Variants in CEMIP observed in about 807,000 individuals in gnomAD.
CEMIP encodes the protein cell migration-inducing and hyaluronan-binding protein.
Under a neutral mutation model 156.9 loss-of-function variants are expected in CEMIP, and 105 were observed. The observed-to-expected ratio is 0.67, with a 90% CI of 0.57 to 0.79. The LOEUF (loss-of-function observed/expected upper bound fraction) is 0.79. Ranked by LOEUF, CEMIP falls within the 30% of genes least tolerant of loss-of-function variation. The pLI is 0.00. For synonymous variants in CEMIP, 676 were observed against 668.4 expected (o/e 1.01, Z -0.17); for missense variants, 1,457 against 1,769.4 (o/e 0.82, Z 3.17).
chr15:80,846,872 C>T (rs991580062), intron 1 of CEMIP, among the ~76,000 whole-genome samples: 2 of 152,216 alleles, frequency 1.3e-5, no homozygotes, highest in African/African-American at 4.8e-5. Flanking sequence ...GGGGGCTTTA[C>T]TCAGTGGTTT....
rs548873525 is a variant in CEMIP, at chr15:80,937,309, A to G, written c.3221+424A>G. 6.6e-5 allele frequency among the ~76,000 whole-genome samples: 10 copies of G among 152,348 alleles called. No individual in the cohort carries two copies. The South Asian group carries it at 2.1e-3, about 32-fold the overall frequency. ...GAGATAAAGTGTTGAGGCCGAGGGCATCTGGATAGGGCTTCATATATTTAG... is the reference window on the plus strand; with the variant it reads ...GAGATAAAGTGTTGAGGCCGAGGGCGTCTGGATAGGGCTTCATATATTTAG... On this transcript the variant is annotated intron_variant, in intron 24 of 29. Coordinates refer to ENST00000394685, the MANE Select transcript of CEMIP (RefSeq NM_001293298.2).
chr15:80,943,110 T>G lies in CEMIP; in HGVS notation c.3857+8T>G, dbSNP rs762046846. On this transcript the variant is annotated splice_region_variant and intron_variant, in intron 28 of 29. Transcript: ENST00000394685. ...GGCGACCATCCCTGACAAGTGAGTC[T>G]GTACCTCTGCTTCTGGAATTGGCTG... The G allele has an allele frequency of 1.2e-6, 2 of 1,614,208 alleles. No homozygotes were observed. Among genetic ancestry groups the G allele is most frequent in the South Asian group, 1.1e-5 (1 of 91,086 alleles).
At position 80,889,542 on chromosome 15, in the gene CEMIP, C is replaced by T; in HGVS notation, c.1036C>T (p.Leu346Phe). Residue 346 changes from leucine to phenylalanine, a missense_variant, in exon 10 of 30, where the codon CTC (leucine) becomes TTC (phenylalanine). Leu to Phe is a conservative substitution (Grantham distance 22, BLOSUM62 0). Coordinates refer to ENST00000394685, the MANE Select transcript of CEMIP (RefSeq NM_001293298.2). ...TAAAGGTGGGGAGAAAATTTCAGACCTCTGGAAAGCTCACCCAGGAAAAAT... is the reference window on the plus strand; with the variant it reads ...TAAAGGTGGGGAGAAAATTTCAGACTTCTGGAAAGCTCACCCAGGAAAAAT... ...QTKGGEKISD[L>F]WKAHPGKICN... 1 of 1,614,144 alleles carries T rather than the reference C, an allele frequency of 6.2e-7. No individual in the cohort carries two copies. The highest frequency in any genetic ancestry group is 8.5e-7 in the Non-Finnish European group (1 of 1,180,002).
Position 80,900,640 on chromosome 15 carries a change from GTGTGTGTGTCTGTGTGTGTGTC to G in CEMIP, c.1411+4590_1411+4611del, listed in dbSNP as rs1567090947. ...TGTGTGTGTGTGTGTGTGTGTGTGT[GTGTGTGTGTCTGTGTGTGTGTC>G]TGTGTGTGTGTGTGTATTTTGTGTG... On this transcript the variant is annotated intron_variant, in intron 12 of 29. Coordinates refer to ENST00000394685, the MANE Select transcript of CEMIP (RefSeq NM_001293298.2). 4.4e-4 allele frequency among the ~76,000 whole-genome samples: 57 copies of G among 130,414 alleles called. 2 individuals are homozygous for G. The highest frequency in any genetic ancestry group is 1.5e-3 in the African/African-American group (52 of 35,514). 85.6% of individuals were successfully genotyped at this position (130,414 alleles called of 152,430 possible).
At chr15:80,917,237 A>G (rs542549816) in intron 14 of CEMIP, among the ~76,000 whole-genome samples, 12 of 152,186 alleles carry the variant, frequency 7.9e-5, no homozygotes, top group Non-Finnish European at 1.8e-4. Context: ...TACCCAAAGT[A>G]TGATCCACAC....
At chr15:80,794,921 G>A (rs1427792095) in intron 1 of CEMIP, among the ~76,000 whole-genome samples, 1 of 152,208 alleles carries the variant, frequency 6.6e-6, no homozygotes, top group Non-Finnish European at 1.5e-5. Context: ...GGAGCAGGGA[G>A]AGAAAGCCTC....
intron 16 of CEMIP, 82 bp downstream of exon 16, chr15:80,921,183 A>G (rs764030405): frequency 1.6e-6 from 2 of 1,231,312 alleles, no homozygotes; most frequent in Non-Finnish European, 2.3e-6. Context: ...ACCTTGAAAC[A>G]TGTGTGCTCT....
intron 1 of CEMIP, among the ~76,000 whole-genome samples, chr15:80,814,804 A>G (rs1201330531): frequency 6.6e-6 from 1 of 152,168 alleles, no homozygotes; most frequent in Non-Finnish European, 1.5e-5. Context: ...TGTGAGTTGT[A>G]TTATTTCCTC....
chr15:80,942,808 A>G, intron 27 of CEMIP, 137 bp from the exon 28 acceptor site: 1 of 1,004,094 alleles, frequency 1.0e-6, no homozygotes, highest in Non-Finnish European at 1.6e-6. Flanking sequence ...CGAGGAGTTA[A>G]GTGGATAATG....
At position 80,933,406 on chromosome 15, in the gene CEMIP, C is replaced by A; in HGVS notation, c.2955C>A (p.Asp985Glu). The A allele has an allele frequency of 6.2e-7, 1 of 1,614,186 alleles. No homozygotes were observed. The highest frequency in any genetic ancestry group is 1.1e-5 in the South Asian group (1 of 91,080). ...ACAACTGGCTGGTCCGGCACCCAGA[C>A]TGCATCAATGTTCCCGACTGGAGAG... ...KNDNWLVRHP[D>E]CINVPDWRGA... Residue 985 changes from aspartate (D) to glutamate (E), a missense_variant, in exon 23 of 30, where the codon GAC becomes GAA. By Grantham distance (45) the Asp-to-Glu change is conservative (BLOSUM62 2). This residue lies in a region of CEMIP where 798 missense variants were observed against 980.1 expected (regional missense o/e 0.81). Coordinates refer to ENST00000394685, the MANE Select transcript of CEMIP (RefSeq NM_001293298.2).
intron 1 of CEMIP, among the ~76,000 whole-genome samples, chr15:80,807,406 A>G (rs1028812941): frequency 6.6e-6 from 1 of 152,150 alleles, no homozygotes; most frequent in Non-Finnish European, 1.5e-5. Context: ...ATTAATTTGT[A>G]TAGAAACAGA....
chr15:80,915,609 A>G (rs1900239808), intron 14 of CEMIP, among the ~76,000 whole-genome samples: 1 of 152,114 alleles, frequency 6.6e-6, no homozygotes, highest in Admixed American at 6.5e-5. Flanking sequence ...ACCGAAACCA[A>G]CACTAAGAGA....
chr15:80,947,791 CATT>C (rs1901626938), intron 29 of CEMIP: 1 of 152,532 alleles, frequency 6.6e-6, no homozygotes, highest in Non-Finnish European at 1.5e-5. Context: ...CTCACTTACT[CATT>C]AATAACCTGT....
chr15:80,832,334 G>C (rs1567062142), intron 1 of CEMIP, among the ~76,000 whole-genome samples: 5 of 150,740 alleles, frequency 3.3e-5, no homozygotes, highest in Non-Finnish European at 5.9e-5. Flanking sequence ...GTGTGTGTGT[G>C]TGTGTGTGTG....
chr15:80,938,137 A>T, intron 25 of CEMIP, 158 bp downstream of exon 25: 1 of 647,636 alleles, frequency 1.5e-6, no homozygotes, highest in South Asian at 1.7e-5. Flanking sequence ...CCCATACATT[A>T]ACGACATTTT....
intron 1 of CEMIP, among the ~76,000 whole-genome samples, chr15:80,868,712 G>C (rs529653912): frequency 6.6e-6 from 1 of 152,326 alleles, no homozygotes; most frequent in African/African-American, 2.4e-5. Context: ...TAGATACTTT[G>C]TGCCTCAGTT....
At chr15:80,805,464 A>G (rs1896492122) in intron 1 of CEMIP, among the ~76,000 whole-genome samples, 1 of 152,242 alleles carries the variant, frequency 6.6e-6, no homozygotes, top group South Asian at 2.1e-4. Context: ...TAAAAAACGC[A>G]TTTGCCAGCC....
At chr15:80,942,195 G>T in intron 26 of CEMIP, 56 bp from the exon 27 acceptor site, 1 of 1,518,970 alleles carries the variant, frequency 6.6e-7, no homozygotes. Flanking sequence ...TACGGGAAGA[G>T]GAGGGGAATG....
chr15:80,890,017 G>A (rs2141846918), intron 10 of CEMIP, among the ~76,000 whole-genome samples: 1 of 152,312 alleles, frequency 6.6e-6, no homozygotes, highest in Non-Finnish European at 1.5e-5. Flanking sequence ...CTAAATCAAA[G>A]CCAGCATTCA....
Sources: allele counts gnomAD v4.1 joint callset (sites outside exome capture counted in the v4.1 genomes callset), GRCh38; gene constraint gnomAD v4.1.1; regional missense constraint gnomAD v4.1.1; transcripts MANE v1.5; gene names NCBI Gene and HGNC (gene_info 2026-07-23, HGNC 2026-07-21).